Variants in CD163L1 observed in about 807,000 individuals in gnomAD.
CD163L1 encodes the protein CD163 molecule like 1.
In CD163L1, 124 loss-of-function variants were observed where a neutral mutation model predicts 165.4. That is an observed-to-expected ratio of 0.75 (90% CI 0.65 to 0.87). The LOEUF (loss-of-function observed/expected upper bound fraction) is 0.87. Ranked by LOEUF, CD163L1 falls within the 40% of genes least tolerant of loss-of-function variation. The pLI is 0.00. For synonymous variants in CD163L1, 585 were observed against 662.2 expected, an observed-to-expected ratio of 0.88 and a Z score of 1.79; for missense variants, 1,525 against 1,799.9, an observed-to-expected ratio of 0.85 and a Z score of 2.76.
intron 4 of CD163L1, among the ~76,000 whole-genome samples, chr12:7,411,538 C>T (rs1948137808): frequency 6.6e-6 from 1 of 152,136 alleles, no homozygotes; most frequent in Non-Finnish European, 1.5e-5. Context: ...GGCACCTCCC[C>T]CACCACCTTG....
intron 2 of CD163L1, among the ~76,000 whole-genome samples, chr12:7,440,331 G>A (rs971438851): frequency 6.6e-6 from 1 of 151,468 alleles, no homozygotes; most frequent in South Asian, 2.1e-4. Context: ...TGGAGCCGCC[G>A]CCGCCCACCG....
chr12:7,362,611 T>C (rs1003348097), intron 18 of CD163L1, among the ~76,000 whole-genome samples: 2 of 144,838 alleles, frequency 1.4e-5, no homozygotes, highest in Admixed American at 1.4e-4. Flanking sequence ...TATAGCTTAT[T>C]ATAATATAGT....
chr12:7,362,672 T>C (rs1364086061), intron 18 of CD163L1, among the ~76,000 whole-genome samples: 2 of 146,230 alleles, frequency 1.4e-5, no homozygotes, highest in Non-Finnish European at 3.0e-5. Context: ...ATATAATATA[T>C]GATTTATATT....
chr12:7,366,602 T>C (rs1462463096), intron 18 of CD163L1, among the ~76,000 whole-genome samples: 1 of 152,180 alleles, frequency 6.6e-6, no homozygotes, highest in Non-Finnish European at 1.5e-5. Context: ...AGCAACATTA[T>C]AAAAGATGAA....
Position 7,347,814 on chromosome 12 carries a change from C to T in CD163L1, c.*25-667G>A, listed in dbSNP as rs1261040348. ...AAATGGTCTCTTATGCTAAGGATGC[C>T]ATGGAATAAAACAACCAGAAACTTC... On this transcript the variant is annotated intron_variant, in intron 4 of 4. Transcript: ENST00000539726. This position sits in a 1 kb window ranked among gnomAD's most constrained non-coding sequence, Gnocchi z 4.2. Among the ~76,000 whole-genome samples, 1 of 151,938 alleles carries T rather than the reference C, an allele frequency of 6.6e-6. No individual in the cohort carries two copies. The highest frequency in any genetic ancestry group is 2.4e-5 in the African/African-American group (1 of 41,400).
At chr12:7,380,972 G>A (rs1947394233) in intron 8 of CD163L1, among the ~76,000 whole-genome samples, 1 of 151,952 alleles carries the variant, frequency 6.6e-6, no homozygotes, top group South Asian at 2.1e-4. Context: ...CATAGTCTGT[G>A]AAACACAAAT....
chr12:7,405,616 C>T (rs1035815365), intron 5 of CD163L1, among the ~76,000 whole-genome samples: 1 of 152,144 alleles, frequency 6.6e-6, no homozygotes, highest in African/African-American at 2.4e-5. Flanking sequence ...CTATGTATAT[C>T]GTTCCCTGCG....
At chr12:7,379,846 T>C (rs1200977260) in intron 8 of CD163L1, among the ~76,000 whole-genome samples, 1 of 149,960 alleles carries the variant, frequency 6.7e-6, no homozygotes, top group Non-Finnish European at 1.5e-5. Flanking sequence ...ATTCACTGTA[T>C]GTGAGAAGAG....
the CD163L1 span, chr12:7,324,678 A>G: frequency 6.9e-7 from 1 of 1,442,074 alleles, no homozygotes; most frequent in South Asian, 1.2e-5. Flanking sequence ...GGCTGAACCA[A>G]GAGAGGTCAA....
At chr12:7,366,558 T>C (rs1947025513) in intron 18 of CD163L1, among the ~76,000 whole-genome samples, 2 of 152,202 alleles carry the variant, frequency 1.3e-5, no homozygotes, top group African/African-American at 2.4e-5. Context: ...TTAATTAAAA[T>C]AACAATGAGA....
chr12:7,319,969 G>A, the CD163L1 span, among the ~76,000 whole-genome samples: 1 of 152,190 alleles, frequency 6.6e-6, no homozygotes, highest in Non-Finnish European at 1.5e-5. Flanking sequence ...AGACTCTGCG[G>A]AGCAGATACA....
chr12:7,337,696 G>A, the CD163L1 span, among the ~76,000 whole-genome samples: 8,962 of 152,200 alleles, frequency 0.059, 373 homozygotes, highest in East Asian at 0.16. Flanking sequence ...TGGAGAAATA[G>A]GAACGCTTTT....
At chr12:7,332,999 A>C in the CD163L1 span, among the ~76,000 whole-genome samples, 2 of 152,214 alleles carry the variant, frequency 1.3e-5, no homozygotes, top group Non-Finnish European at 2.9e-5. Context: ...AAATTGGATA[A>C]AGAGTCATGA....
At chr12:7,415,757 C>T (rs777954199) in intron 4 of CD163L1, among the ~76,000 whole-genome samples, 2 of 152,232 alleles carry the variant, frequency 1.3e-5, no homozygotes, top group Admixed American at 1.3e-4. Context: ...GACATAAACT[C>T]ACCCGTTTTT....
intron 4 of CD163L1, among the ~76,000 whole-genome samples, chr12:7,414,832 C>G (rs912253591): frequency 1.3e-4 from 20 of 152,066 alleles, no homozygotes; most frequent in Non-Finnish European, 2.9e-4. Context: ...AAAAAAGAAC[C>G]CTGCCAATCA....
rs77551379 is a variant in CD163L1 at position 7,383,220 on chromosome 12, T to C, written c.2051-3922A>G. ...TTGCCCTATTCCACTCACCATAGTCTGTCCCTGTGTGCAACATCAGTAGCC... is the reference window on the plus strand; with the variant it reads ...TTGCCCTATTCCACTCACCATAGTCCGTCCCTGTGTGCAACATCAGTAGCC... On this transcript the variant is annotated intron_variant, in intron 8 of 19. Transcript: ENST00000313599. 3.8e-3 allele frequency among the ~76,000 whole-genome samples: 583 copies of C among 152,286 alleles called. 2 individuals carry two copies. Among genetic ancestry groups the C allele is most frequent in the Middle Eastern group, 0.024 (7 of 294 alleles).
intron 4 of CD163L1, among the ~76,000 whole-genome samples, chr12:7,421,505 A>ATATACATATATG (rs1196588752): frequency 3.4e-5 from 3 of 89,272 alleles, no homozygotes; most frequent in Admixed American, 1.3e-4. Context: ...ATATGTACAT[A>ATATACATATATG]TACATATACA....
At chr12:7,386,434 A>G (rs1009070329) in intron 8 of CD163L1, among the ~76,000 whole-genome samples, 3 of 152,052 alleles carry the variant, frequency 2.0e-5, no homozygotes, top group South Asian at 2.1e-4. Context: ...TTCCAAAAAA[A>G]TCAAAGAGGA....
rs1406308745 is a variant in CD163L1, at chr12:7,421,718, T to G, written c.766+10698A>C. ...ATATGTATGTGTACATAAATACATA[T>G]ACGTATATATGTATATATGTGTGTG... On this transcript the variant is annotated intron_variant, in intron 4 of 19. Transcript: ENST00000313599. 1.3e-4 allele frequency among the ~76,000 whole-genome samples: 17 copies of G among 131,500 alleles called. No individual in the cohort carries two copies. The Admixed American group carries it at 1.4e-3, about 11-fold the overall frequency. The allele number at this position is 131,500 out of a possible 152,430, so 86.3% of individuals were successfully genotyped here.
Sources: allele counts gnomAD v4.1 joint callset (sites outside exome capture counted in the v4.1 genomes callset), GRCh38; gene constraint gnomAD v4.1.1; non-coding constraint Gnocchi (gnomAD v3.1); transcripts MANE v1.5; gene names NCBI Gene and HGNC (gene_info 2026-07-23, HGNC 2026-07-21).